MYBPC1: variants seen among roughly 807,000 people sequenced by gnomAD.
MYBPC1 encodes the protein myosin-binding protein C, slow-type.
Under a neutral mutation model 147.1 loss-of-function variants are expected in MYBPC1, and 52 were observed. The ratio of observed to expected loss-of-function variants is 0.35; its 90% CI spans 0.28 to 0.45. The LOEUF is 0.45. MYBPC1 is among the 20% of genes least tolerant of loss of function. The pLI, the probability that MYBPC1 is intolerant of heterozygous loss-of-function variation, is 1.00. For missense variants in MYBPC1, 1,228 were observed against 1,440.3 expected, an observed-to-expected ratio of 0.85 and a Z score of 2.39; for synonymous variants, 477 against 475.9, an observed-to-expected ratio of 1.00 and a Z score of -0.03.
At chr12:101,658,494 T>C (rs182600710) in intron 18 of MYBPC1, among the ~76,000 whole-genome samples, 7 of 151,956 alleles carry the variant, frequency 4.6e-5, no homozygotes, top group African/African-American at 9.6e-5. Flanking sequence ...AATGCAAGAG[T>C]ATCCTCCTGT....
Position 101,667,787 on chromosome 12 carries a change from C to T in MYBPC1, c.2412C>T (p.Ile804=), listed in dbSNP as rs1309181105. Residue 804 remains isoleucine, a synonymous_variant, in exon 23 of 32, where the codon ATC becomes ATT. Transcript: ENST00000361466. ...TGATTGACAAGACGAAGTTCACCAT[C>T]ACAGGTCTGCCAACAGATGCAAAGA... ...KDLIDKTKFT[I]TGLPTDAKIF... The T allele has an allele frequency of 5.6e-6, 9 of 1,614,068 alleles. No individual in the cohort carries two copies. The highest frequency in any genetic ancestry group is 7.6e-6 in the Non-Finnish European group (9 of 1,180,040).
At chr12:101,621,598 A>T (rs148929212) in intron 3 of MYBPC1, among the ~76,000 whole-genome samples, 1 of 152,342 alleles carries the variant, frequency 6.6e-6, no homozygotes, top group Non-Finnish European at 1.5e-5. Flanking sequence ...GTATTGTATC[A>T]GTATTTCACT....
intron 1 of MYBPC1, among the ~76,000 whole-genome samples, chr12:101,610,024 C>T (rs1363256063): frequency 6.6e-6 from 1 of 152,178 alleles, no homozygotes; most frequent in Non-Finnish European, 1.5e-5. Context: ...CAGAGACAAA[C>T]ATATGAATTA....
At chr12:101,677,869 A>G (rs1039328143) in intron 27 of MYBPC1, among the ~76,000 whole-genome samples, 2 of 152,200 alleles carry the variant, frequency 1.3e-5, no homozygotes, top group African/African-American at 4.8e-5. Flanking sequence ...AAAGACACCA[A>G]AGTCTTCTCA....
intron 22 of MYBPC1, chr12:101,666,863 G>T (rs1361692811): frequency 1.5e-6 from 2 of 1,351,368 alleles, no homozygotes; most frequent in South Asian, 1.2e-5. Context: ...AATATTGAAT[G>T]ACCAAGCATG....
chr12:101,610,784 C>T (rs982591484), intron 1 of MYBPC1, among the ~76,000 whole-genome samples: 3 of 152,072 alleles, frequency 2.0e-5, no homozygotes, highest in Non-Finnish European at 4.4e-5. Context: ...GGTGTAATTG[C>T]GCTGAGAAGT....
intron 8 of MYBPC1, among the ~76,000 whole-genome samples, chr12:101,634,048 C>G (rs1890505176): frequency 1.3e-5 from 2 of 152,090 alleles, no homozygotes; most frequent in African/African-American, 4.8e-5. Context: ...AGGCGCCCGC[C>G]ACCACGGCCG....
intron 12 of MYBPC1, among the ~76,000 whole-genome samples, chr12:101,646,103 G>A (rs1893052256): frequency 6.6e-6 from 1 of 152,108 alleles, no homozygotes; most frequent in African/African-American, 2.4e-5. Context: ...GTTAAAGAAT[G>A]TACAGAGTTA....
At chr12:101,608,635 C>CT (rs1883148151) in intron 1 of MYBPC1, among the ~76,000 whole-genome samples, 1 of 152,194 alleles carries the variant, frequency 6.6e-6, no homozygotes, top group South Asian at 2.1e-4. Flanking sequence ...GTGTGATTGA[C>CT]TGAGTGTTAT....
chr12:101,678,522 A>G (rs1900594641), intron 28 of MYBPC1, among the ~76,000 whole-genome samples: 2 of 152,238 alleles, frequency 1.3e-5, no homozygotes, highest in Non-Finnish European at 2.9e-5. Flanking sequence ...ATATTGTTTC[A>G]CTTGGAAAAT....
intron 12 of MYBPC1, 116 bp from the exon 13 acceptor site, chr12:101,646,647 A>T (rs527281986): frequency 1.6e-6 from 2 of 1,249,694 alleles, no homozygotes; most frequent in Non-Finnish European, 2.3e-6. Flanking sequence ...TCAAAAAAAA[A>T]CAACAGATCC....
chr12:101,614,720 G>T, intron 2 of MYBPC1, 189 bp downstream of exon 2: 1 of 639,732 alleles, frequency 1.6e-6, no homozygotes, highest in Non-Finnish European at 2.8e-6. Context: ...TAATCCTCTT[G>T]TGTTAATCTA....
At chr12:101,604,632 A>G (rs1881423367) in intron 1 of MYBPC1, among the ~76,000 whole-genome samples, 1 of 152,160 alleles carries the variant, frequency 6.6e-6, no homozygotes, top group Non-Finnish European at 1.5e-5. Context: ...ATTTGTCTTA[A>G]ATTATAGATA....
chr12:101,692,240 G>T, the MYBPC1 span, among the ~76,000 whole-genome samples: 1 of 152,108 alleles, frequency 6.6e-6, no homozygotes, highest in Non-Finnish European at 1.5e-5. Flanking sequence ...AAAGGCTTCT[G>T]AACAAGGGAA....
At chr12:101,614,985 G>A (rs757226723) in intron 2 of MYBPC1, 20 of 239,084 alleles carry the variant, frequency 8.4e-5, no homozygotes, top group Non-Finnish European at 1.2e-4. Context: ...TCACTATTGA[G>A]CACCTCCAGA....
At chr12:101,611,568 T>C (rs1335063761) in intron 1 of MYBPC1, among the ~76,000 whole-genome samples, 1 of 152,236 alleles carries the variant, frequency 6.6e-6, no homozygotes, top group African/African-American at 2.4e-5. Flanking sequence ...TTAATTCTTT[T>C]GTATCAATTC....
At chr12:101,641,416 T>C (rs116171804) in intron 10 of MYBPC1, among the ~76,000 whole-genome samples, 2,401 of 152,292 alleles carry the variant, frequency 0.016, 52 homozygotes, top group African/African-American at 0.055. Flanking sequence ...AAAAGAGTGT[T>C]TATTTCTGAA....
At chr12:101,666,642 A>G (rs1408537656) in intron 22 of MYBPC1, 3 of 1,143,910 alleles carry the variant, frequency 2.6e-6, no homozygotes, top group African/African-American at 1.5e-5. Context: ...CTCTTTGCAC[A>G]CTTTGCATAC....
At chr12:101,679,475 C>A (rs189264473) in intron 28 of MYBPC1, among the ~76,000 whole-genome samples, 2 of 152,122 alleles carry the variant, frequency 1.3e-5, no homozygotes, top group Admixed American at 6.5e-5. Context: ...AGGTTCTGAG[C>A]AAGACAAAAT....
Sources: allele counts gnomAD v4.1 joint callset (sites outside exome capture counted in the v4.1 genomes callset), GRCh38; gene constraint gnomAD v4.1.1; transcripts MANE v1.5; gene names NCBI Gene and HGNC (gene_info 2026-07-23, HGNC 2026-07-21).